The following EPHA3 variants were observed in gnomAD, a reference collection of about 807,000 sequenced individuals.
The protein encoded by EPHA3 is EPH receptor A3.
Under a neutral mutation model 107.1 loss-of-function variants are expected in EPHA3, and 42 were observed. The ratio of observed to expected loss-of-function variants is 0.39; its 90% CI spans 0.31 to 0.51. The LOEUF (loss-of-function observed/expected upper bound fraction) is 0.51, where lower values mean the gene tolerates loss of function less well. Ranked by LOEUF, EPHA3 falls within the 20% of genes least tolerant of loss-of-function variation. The pLI, the probability that EPHA3 is intolerant of heterozygous loss-of-function variation, is 0.78. For synonymous variants in EPHA3, 461 were observed against 424.8 expected (o/e 1.09, Z -1.05); for missense variants, 1,183 against 1,211.2 (o/e 0.98, Z 0.35).
At chr3:89,143,484 C>T (rs1443494558) in intron 2 of EPHA3, among the ~76,000 whole-genome samples, 2 of 151,428 alleles carry the variant, frequency 1.3e-5, no homozygotes, top group Non-Finnish European at 3.0e-5. Flanking sequence ...TTGTCTTGTT[C>T]TTGCACTAGA....
intron 3 of EPHA3, among the ~76,000 whole-genome samples, chr3:89,243,255 T>C (rs1397385976): frequency 6.6e-6 from 1 of 152,178 alleles, no homozygotes; most frequent in Non-Finnish European, 1.5e-5. Flanking sequence ...TATATAATCC[T>C]CTGGGTATAT....
chr3:89,443,340 C>T (rs1709819932), intron 13 of EPHA3, among the ~76,000 whole-genome samples: 2 of 152,052 alleles, frequency 1.3e-5, no homozygotes, highest in South Asian at 4.1e-4. Context: ...TACAGATACT[C>T]TAAAAAAGTT....
intron 3 of EPHA3, among the ~76,000 whole-genome samples, chr3:89,241,890 C>A (rs1704904646): frequency 6.6e-6 from 1 of 151,790 alleles, no homozygotes; most frequent in Non-Finnish European, 1.5e-5. Context: ...AACTTTATCC[C>A]CCTCTCAGCC....
At chr3:89,402,508 A>AT (rs1356548106) in intron 7 of EPHA3, among the ~76,000 whole-genome samples, 3 of 151,848 alleles carry the variant, frequency 2.0e-5, no homozygotes, top group Admixed American at 6.6e-5. Context: ...AAAAGACAAA[A>AT]TTTTTTTTGT....
intron 2 of EPHA3, among the ~76,000 whole-genome samples, chr3:89,195,213 T>A (rs1576220549): frequency 6.6e-6 from 1 of 152,096 alleles, no homozygotes; most frequent in Non-Finnish European, 1.5e-5. Flanking sequence ...AAACTTTTGC[T>A]CCTCTTCTTT....
intron 3 of EPHA3, among the ~76,000 whole-genome samples, chr3:89,320,598 C>CTT (rs58036688): frequency 3.3e-5 from 5 of 150,846 alleles, no homozygotes; most frequent in South Asian, 2.1e-4. Context: ...ATCCCATGGA[C>CTT]TTTTTTTTTA....
intron 2 of EPHA3, among the ~76,000 whole-genome samples, chr3:89,142,432 A>G (rs1378746151): frequency 6.6e-6 from 1 of 151,454 alleles, no homozygotes; most frequent in Non-Finnish European, 1.5e-5. Context: ...GGCACTTATA[A>G]GTAAATGAGC....
At chr3:89,437,367 G>A (rs1161109722) in intron 13 of EPHA3, among the ~76,000 whole-genome samples, 2 of 151,930 alleles carry the variant, frequency 1.3e-5, no homozygotes, top group Non-Finnish European at 1.5e-5. Flanking sequence ...CGTTTGGGAT[G>A]GATATGATTA....
chr3:89,133,810 G>T (rs1704254949), intron 2 of EPHA3, among the ~76,000 whole-genome samples: 1 of 152,116 alleles, frequency 6.6e-6, no homozygotes, highest in South Asian at 2.1e-4. Flanking sequence ...TCAGAAAACT[G>T]CAGTGGATCA....
At chr3:89,120,705 C>T (rs1422803114) in intron 1 of EPHA3, among the ~76,000 whole-genome samples, 1 of 152,118 alleles carries the variant, frequency 6.6e-6, no homozygotes, top group Non-Finnish European at 1.5e-5. Context: ...TATTGTGAGA[C>T]TCTGTTTTGA....
At chr3:89,399,271 T>C (rs556893881) in intron 6 of EPHA3, 47 bp from the exon 7 acceptor site, 47 of 1,547,164 alleles carry the variant, frequency 3.0e-5, no homozygotes, top group Non-Finnish European at 3.5e-6. Context: ...TTTTATAGCA[T>C]TATGAAGATT....
At chr3:89,236,962 C>T (rs1398903403) in intron 3 of EPHA3, among the ~76,000 whole-genome samples, 2 of 152,200 alleles carry the variant, frequency 1.3e-5, no homozygotes, top group Admixed American at 6.5e-5. Context: ...TTTACAGATA[C>T]TTATTGCAGT....
At chr3:89,435,279 G>A (rs1391055143) in intron 13 of EPHA3, among the ~76,000 whole-genome samples, 1 of 151,232 alleles carries the variant, frequency 6.6e-6, no homozygotes, top group Non-Finnish European at 1.5e-5. Context: ...GTAGTATTTT[G>A]GGATATAGGC....
chr3:89,243,032 G>A (rs1559616147), intron 3 of EPHA3, among the ~76,000 whole-genome samples: 1 of 150,948 alleles, frequency 6.6e-6, no homozygotes, highest in Non-Finnish European at 1.5e-5. Context: ...GTGATAATTT[G>A]CTGAGAATGA....
chr3:89,109,360 T>C (rs1456827525), intron 1 of EPHA3, among the ~76,000 whole-genome samples: 3 of 152,068 alleles, frequency 2.0e-5, no homozygotes, highest in Admixed American at 2.0e-4. Context: ...AGGTAACATA[T>C]CAATAAATTA....
intron 2 of EPHA3, among the ~76,000 whole-genome samples, chr3:89,182,072 A>G (rs1370874410): frequency 6.6e-6 from 1 of 151,170 alleles, no homozygotes; most frequent in Non-Finnish European, 1.5e-5. Flanking sequence ...TGACCATACT[A>G]TCATAAATTT....
chr3:89,455,157 T>A (rs1455438734), intron 15 of EPHA3, among the ~76,000 whole-genome samples: 1 of 152,072 alleles, frequency 6.6e-6, no homozygotes, highest in Non-Finnish European at 1.5e-5. Flanking sequence ...AAATAAATGG[T>A]GTTTTCTGCC....
intron 5 of EPHA3, among the ~76,000 whole-genome samples, chr3:89,384,400 GA>G (rs1708573090): frequency 6.6e-6 from 1 of 152,128 alleles, no homozygotes. Context: ...TCTGGAAAGT[GA>G]AAGACAGAAA....
At chr3:89,395,200 A>C (rs1260463985) in intron 5 of EPHA3, among the ~76,000 whole-genome samples, 7 of 152,180 alleles carry the variant, frequency 4.6e-5, no homozygotes, top group Non-Finnish European at 1.0e-4. Flanking sequence ...TTTCCTTGGT[A>C]CCTCTCATTA....
Sources: allele counts gnomAD v4.1 joint callset (sites outside exome capture counted in the v4.1 genomes callset), GRCh38; gene constraint gnomAD v4.1.1; transcripts MANE v1.5; gene names NCBI Gene and HGNC (gene_info 2026-07-23, HGNC 2026-07-21).